Variants in TXLNB observed in about 807,000 individuals in gnomAD.
TXLNB encodes the protein beta-taxilin.
Under a neutral mutation model 57.4 loss-of-function variants are expected in TXLNB, and 37 were observed. That is an observed-to-expected ratio of 0.64 (90% confidence interval 0.50 to 0.85). The LOEUF (loss-of-function observed/expected upper bound fraction) is 0.85. Among genes scored for constraint, TXLNB ranks in the 40% least tolerant of loss-of-function variants. TXLNB has a pLI of 0.00. For synonymous variants in TXLNB, 302 were observed against 309.6 expected, an observed-to-expected ratio of 0.98 and a Z score of 0.26; for missense variants, 848 against 825.6, an observed-to-expected ratio of 1.03 and a Z score of -0.33.
chr6:139,196,794 CA>C, the TXLNB span, among the ~76,000 whole-genome samples: 1 of 152,196 alleles, frequency 6.6e-6, no homozygotes, highest in East Asian at 1.9e-4. Flanking sequence ...TCTAAGACAT[CA>C]AAAACACTCA....
At chr6:139,219,524 C>G in the TXLNB span, among the ~76,000 whole-genome samples, 59 of 152,350 alleles carry the variant, frequency 3.9e-4, no homozygotes, top group East Asian at 0.011. Context: ...GTGGCAGCTG[C>G]TGCTGTTTGT....
intron 3 of TXLNB, among the ~76,000 whole-genome samples, chr6:139,270,882 T>G (rs2075258820): frequency 6.6e-6 from 1 of 152,204 alleles, no homozygotes; most frequent in Admixed American, 6.5e-5. Flanking sequence ...TTGGATGGTC[T>G]AGAAATATTT....
At chr6:139,302,164 G>A in the TXLNB span, among the ~76,000 whole-genome samples, 4 of 152,062 alleles carry the variant, frequency 2.6e-5, no homozygotes, top group Admixed American at 2.0e-4. Flanking sequence ...GGTATATAAA[G>A]TTGAATATCA....
chr6:139,255,936 G>A (rs1776326359), intron 6 of TXLNB, among the ~76,000 whole-genome samples: 1 of 151,012 alleles, frequency 6.6e-6, no homozygotes, highest in Admixed American at 6.6e-5. Context: ...ACCAAAATTA[G>A]TCAGGGGTGG....
In TXLNB at chr6:139,288,499, T is replaced by G; in HGVS notation, c.401A>C (p.Glu134Ala). ...EPVSNKEQKL[E>A]KKILKGLGKE... ...GCCTAATCCTTTTAGGATTTTCTTT[T>G]CCAATTTTTGCTCCTTATTGCTGAC... The change falls in exon 2 of 10, where the codon GAA becomes GCA. Residue 134 changes from glutamate to alanine, a missense_variant. Coordinates refer to ENST00000358430, the MANE Select transcript of TXLNB (RefSeq NM_153235.4). 6.2e-7 allele frequency: 1 copy of G among 1,614,068 alleles called. No homozygotes were observed.
downstream of TXLNB, chr6:139,239,030 G>A (rs566429834): frequency 3.3e-5 from 5 of 152,264 alleles, no homozygotes; most frequent in African/African-American, 1.2e-4. This position sits in a 1 kb window ranked among gnomAD's most constrained non-coding sequence, Gnocchi z 4.7. Context: ...TATTTAAAAC[G>A]TGTACGTCAA....
At chr6:139,250,218 G>A (rs192426693) in intron 7 of TXLNB, among the ~76,000 whole-genome samples, 242 of 137,496 alleles carry the variant, frequency 1.8e-3, no homozygotes, top group African/African-American at 5.9e-3. Flanking sequence ...GGTCTCAAAC[G>A]CCTGGCTTCA....
At chr6:139,193,205 A>G in the TXLNB span, among the ~76,000 whole-genome samples, 1 of 148,112 alleles carries the variant, frequency 6.8e-6, no homozygotes, top group African/African-American at 2.5e-5. Flanking sequence ...TCCCAGTCTC[A>G]ACAATGGAAT....
the TXLNB span, chr6:139,177,180 C>T: frequency 1.2e-5 from 8 of 671,392 alleles, no homozygotes; most frequent in African/African-American, 1.8e-5. This position sits in a 1 kb window ranked among gnomAD's most constrained non-coding sequence, Gnocchi z 4.9. Flanking sequence ...GGGAAACATT[C>T]TGTGACATTA....
the TXLNB span, among the ~76,000 whole-genome samples, chr6:139,196,624 C>A: frequency 6.6e-6 from 1 of 152,070 alleles, no homozygotes; most frequent in Non-Finnish European, 1.5e-5. Context: ...ATCCACCTGC[C>A]TCAGCTTCCC....
At chr6:139,267,545 C>A (rs1488048578) in intron 4 of TXLNB, among the ~76,000 whole-genome samples, 3 of 151,874 alleles carry the variant, frequency 2.0e-5, no homozygotes, top group Non-Finnish European at 4.4e-5. Context: ...TTCAAATAAT[C>A]CAAAGGAAGG....
the TXLNB span, among the ~76,000 whole-genome samples, chr6:139,212,545 T>G: frequency 6.6e-6 from 1 of 152,018 alleles, no homozygotes; most frequent in East Asian, 1.9e-4. Context: ...TAAAGACCAT[T>G]GAGGCTAGGA....
chr6:139,316,960 G>A, the TXLNB span, among the ~76,000 whole-genome samples: 1 of 152,184 alleles, frequency 6.6e-6, no homozygotes, highest in African/African-American at 2.4e-5. Context: ...CTGGAGAAAA[G>A]GGAATTGCAG....
At chr6:139,283,966 G>C (rs1048606715) in intron 2 of TXLNB, among the ~76,000 whole-genome samples, 2 of 145,896 alleles carry the variant, frequency 1.4e-5, no homozygotes, top group Admixed American at 6.7e-5. Flanking sequence ...ACCACAGCCA[G>C]ATGTTTATAT....
chr6:139,253,959 C>G (rs968789467), intron 7 of TXLNB, among the ~76,000 whole-genome samples: 3 of 152,126 alleles, frequency 2.0e-5, no homozygotes, highest in Non-Finnish European at 4.4e-5. Flanking sequence ...TGAGGTCACA[C>G]CCCCTTTCCT....
At position 139,241,098 on chromosome 6, in the gene TXLNB, C is replaced by T. The variant is rs928112303; in HGVS notation, c.*1428G>A. On this transcript the variant is annotated 3_prime_UTR_variant, in exon 10 of 10. Transcript: ENST00000358430. ...AGTATCATTAGAGGTTCTCATCAAG[C>T]AATGTTAATGTAATACTCATGTTGA... is the stretch of plus-strand genomic sequence containing the variant. 1 of 152,116 alleles carries T rather than the reference C, an allele frequency of 6.6e-6. No individual in the cohort carries two copies. The highest frequency in any genetic ancestry group is 2.4e-5 in the African/African-American group (1 of 41,396). The allele number at this position is 152,116 out of a possible 1,614,324, so 9.4% of individuals were successfully genotyped here. A position where few individuals can be genotyped will look rare whatever the true frequency, so the allele number is the denominator to read the frequency against.
chr6:139,191,777 T>C, the TXLNB span, among the ~76,000 whole-genome samples: 1 of 152,284 alleles, frequency 6.6e-6, no homozygotes, highest in South Asian at 2.1e-4. Flanking sequence ...GGGAGTTGTG[T>C]TGAGTTCATT....
upstream of TXLNB, among the ~76,000 whole-genome samples, chr6:139,294,828 A>G (rs1391809410): frequency 1.3e-5 from 2 of 152,116 alleles, no homozygotes; most frequent in East Asian, 3.9e-4. Flanking sequence ...CATCTCTACT[A>G]AAATACAGAA....
chr6:139,258,736 C>T (rs907640815), intron 6 of TXLNB, among the ~76,000 whole-genome samples: 2 of 152,176 alleles, frequency 1.3e-5, no homozygotes, highest in African/African-American at 2.4e-5. Context: ...CTCACCCCAG[C>T]AACAGATACA....
Sources: gnomAD v4.1 joint callset for allele counts (sites outside exome capture counted in the v4.1 genomes callset) on GRCh38, gnomAD v4.1.1 for gene constraint, Gnocchi (gnomAD v3.1) non-coding constraint, MANE v1.5 for transcripts, NCBI Gene and HGNC (gene_info 2026-07-23, HGNC 2026-07-21) for gene names.